ATP6V1H: variants seen among roughly 807,000 people sequenced by gnomAD.
The protein encoded by ATP6V1H is ATPase H+ transporting V1 subunit H, also known as V-type proton ATPase subunit H.
Under a neutral mutation model 71.7 loss-of-function variants are expected in ATP6V1H, and 39 were observed. The ratio of observed to expected loss-of-function variants is 0.54; its 90% CI spans 0.42 to 0.71. The LOEUF is 0.71. Ranked by LOEUF, ATP6V1H falls within the 30% of genes least tolerant of loss-of-function variation. The pLI, the probability that ATP6V1H is intolerant of heterozygous loss-of-function variation, is 0.00. For missense variants in ATP6V1H, 509 were observed against 594.9 expected (o/e 0.86, Z 1.50); for synonymous variants, 192 against 199.3 (o/e 0.96, Z 0.31).
chr8:53,760,035 A>C (rs1307756226), intron 11 of ATP6V1H, among the ~76,000 whole-genome samples: 1 of 152,218 alleles, frequency 6.6e-6, no homozygotes, highest in African/African-American at 2.4e-5. Flanking sequence ...ATTTATAAGA[A>C]TGTAAAGAAT....
At chr8:53,804,206 T>C (rs1367093600) in intron 7 of ATP6V1H, among the ~76,000 whole-genome samples, 3 of 152,220 alleles carry the variant, frequency 2.0e-5, no homozygotes, top group Non-Finnish European at 2.9e-5. Flanking sequence ...GATTAAATTA[T>C]TGCCTTCAAT....
intron 13 of ATP6V1H, among the ~76,000 whole-genome samples, chr8:53,728,994 T>TA (rs1336407698): frequency 6.6e-6 from 1 of 152,198 alleles, no homozygotes; most frequent in Non-Finnish European, 1.5e-5. Flanking sequence ...AAATGCTCAA[T>TA]AAACCTTTAA....
chr8:53,733,127 T>C (rs1438138070), intron 13 of ATP6V1H, among the ~76,000 whole-genome samples: 1 of 152,214 alleles, frequency 6.6e-6, no homozygotes, highest in Non-Finnish European at 1.5e-5. Context: ...CTTAATTAAT[T>C]TGCTCTAAAC....
At chr8:53,778,052 A>T (rs968551214) in intron 9 of ATP6V1H, among the ~76,000 whole-genome samples, 3 of 152,226 alleles carry the variant, frequency 2.0e-5, no homozygotes, top group African/African-American at 4.8e-5. Flanking sequence ...CAACTGTAGC[A>T]TAAAAGACTA....
intron 4 of ATP6V1H, 30 bp downstream of exon 4, chr8:53,829,414 C>A (rs758182872): frequency 6.7e-7 from 1 of 1,498,326 alleles, no homozygotes; most frequent in Non-Finnish European, 9.2e-7. Context: ...AATGAAGTCA[C>A]CAAATGTGTT....
intron 9 of ATP6V1H, among the ~76,000 whole-genome samples, chr8:53,791,121 C>A (rs2130397668): frequency 6.6e-6 from 1 of 152,182 alleles, no homozygotes; most frequent in East Asian, 1.9e-4. Flanking sequence ...ACAGAAGGAG[C>A]ATTAAGCCCT....
intron 8 of ATP6V1H, among the ~76,000 whole-genome samples, chr8:53,798,197 A>G (rs1487667933): frequency 6.6e-6 from 1 of 152,168 alleles, no homozygotes; most frequent in African/African-American, 2.4e-5. Flanking sequence ...AAGTCAGCAA[A>G]CTATATAGAT....
chr8:53,833,095 TAAG>T lies in ATP6V1H; in HGVS notation c.114-12_114-10del. On this transcript the variant is annotated splice_polypyrimidine_tract_variant and intron_variant, in intron 2 of 13. Coordinates refer to ENST00000359530, the MANE Select transcript of ATP6V1H (RefSeq NM_015941.4). ...CAGAAATCATCTGTCCCCTAGAAAG[TAAG>T]AATAAGATGTTTTGTTCAGTAAGAG... 1.9e-6 allele frequency: 3 copies of T among 1,602,262 alleles called. No individual in the cohort carries two copies. The highest frequency in any genetic ancestry group is 2.6e-6 in the Non-Finnish European group (3 of 1,170,684).
rs528490866 is a variant in ATP6V1H, at chr8:53,813,858, C to T, written c.525+804G>A. ...GTTCGTTAGGCCTAACTAATCCCAC[C>T]CTGAAACTGTGAAATTGTGAGAACG... is the stretch of plus-strand genomic sequence containing the variant. On this transcript the variant is annotated intron_variant, in intron 6 of 13. Coordinates refer to ENST00000359530, the MANE Select transcript of ATP6V1H (RefSeq NM_015941.4). Among the ~76,000 whole-genome samples, 5 of 152,304 alleles carry T rather than the reference C, an allele frequency of 3.3e-5. No homozygotes were observed. The South Asian group carries it at 1.0e-3, about 32-fold the overall frequency.
intron 13 of ATP6V1H, among the ~76,000 whole-genome samples, chr8:53,736,432 C>A (rs1332365762): frequency 1.3e-5 from 2 of 152,202 alleles, no homozygotes; most frequent in Non-Finnish European, 2.9e-5. Flanking sequence ...CTGACTAATT[C>A]TTTCCCCGAA....
At chr8:53,717,465 G>A (rs192643538) in intron 13 of ATP6V1H, among the ~76,000 whole-genome samples, 177 of 152,320 alleles carry the variant, frequency 1.2e-3, no homozygotes, top group African/African-American at 4.1e-3. Context: ...ATCCTTCAAG[G>A]AAAGTTCTTA....
intron 12 of ATP6V1H, among the ~76,000 whole-genome samples, chr8:53,752,657 TATC>T (rs1171944070): frequency 1.1e-4 from 16 of 152,192 alleles, no homozygotes; most frequent in Non-Finnish European, 2.4e-4. Context: ...TTCAAGCGAT[TATC>T]CTGCCTCAGC....
intron 9 of ATP6V1H, among the ~76,000 whole-genome samples, chr8:53,788,329 C>T (rs1323679062): frequency 2.0e-5 from 3 of 152,032 alleles, no homozygotes; most frequent in Non-Finnish European, 4.4e-5. Flanking sequence ...TTATTAAATT[C>T]TATGCATTAT....
In ATP6V1H at chr8:53,795,722, G is replaced by T. The variant is rs1354593442; in HGVS notation, c.795C>A (p.Ile265=). The T allele has an allele frequency of 6.2e-7, 1 of 1,613,912 alleles. No individual in the cohort carries two copies. Among genetic ancestry groups the T allele is most frequent in the Non-Finnish European group, 8.5e-7 (1 of 1,179,962 alleles). The part of the protein sequence containing the change: ...QMCEHLRRYN[I]IPVLSDILQE... Reference sequence around the variant, plus strand: ...GAAGGATATCAGACAGAACTGGAATGATATTATAGCGCCGCAGGTGTTCAC... The same window carrying T: ...GAAGGATATCAGACAGAACTGGAATTATATTATAGCGCCGCAGGTGTTCAC... The change falls in exon 9 of 14, where the codon ATC becomes ATA. Residue 265 remains isoleucine, a synonymous_variant. Transcript: ENST00000359530.
intron 12 of ATP6V1H, among the ~76,000 whole-genome samples, chr8:53,745,504 G>C (rs145655980): frequency 6.6e-6 from 1 of 152,132 alleles, no homozygotes; most frequent in Admixed American, 6.5e-5. Context: ...CACAGAGCAC[G>C]GTCACAGGCT....
chr8:53,750,324 C>T (rs1807747695), intron 12 of ATP6V1H, among the ~76,000 whole-genome samples: 2 of 152,026 alleles, frequency 1.3e-5, no homozygotes, highest in Admixed American at 1.3e-4. Context: ...AAGGGTTCCA[C>T]GTTAAAAACT....
intron 9 of ATP6V1H, among the ~76,000 whole-genome samples, chr8:53,791,882 A>G (rs1041276492): frequency 1.3e-5 from 2 of 152,202 alleles, no homozygotes; most frequent in South Asian, 2.1e-4. Flanking sequence ...GTGTCCCCGA[A>G]TAATTAGCAC....
intron 4 of ATP6V1H, among the ~76,000 whole-genome samples, chr8:53,822,319 G>C (rs1810688603): frequency 6.6e-6 from 1 of 151,956 alleles, no homozygotes; most frequent in African/African-American, 2.4e-5. Flanking sequence ...ACAAAACAAA[G>C]GTGGGAACAA....
intron 9 of ATP6V1H, among the ~76,000 whole-genome samples, chr8:53,794,508 G>A (rs1474478799): frequency 1.3e-5 from 2 of 152,108 alleles, no homozygotes; most frequent in African/African-American, 4.8e-5. Context: ...TGGGATTACA[G>A]GCACATGACA....
Sources: gnomAD v4.1 joint callset for allele counts (sites outside exome capture counted in the v4.1 genomes callset) on GRCh38, gnomAD v4.1.1 for gene constraint, MANE v1.5 for transcripts, NCBI Gene and HGNC (gene_info 2026-07-23, HGNC 2026-07-21) for gene names.